The following LAMP3 variants were observed in gnomAD, a reference collection of about 807,000 sequenced individuals.
LAMP3 encodes lysosome-associated membrane glycoprotein 3.
A neutral mutation model predicts 34.8 loss-of-function variants in LAMP3; 26 were observed. The ratio of observed to expected loss-of-function variants is 0.75; its 90% CI spans 0.55 to 1.04. The LOEUF (loss-of-function observed/expected upper bound fraction) is 1.04. Among genes scored for constraint, LAMP3 ranks in the 50% least tolerant of loss-of-function variants. The probability of loss-of-function intolerance (pLI) is 0.00; values close to 1 mark genes in which losing one functional copy is unlikely to be tolerated. For missense variants in LAMP3, 495 were observed against 524.0 expected (o/e 0.94, Z 0.54); for synonymous variants, 180 against 201.9 (o/e 0.89, Z 0.92).
At chr3:183,138,173 C>G (rs542675088) in intron 4 of LAMP3, among the ~76,000 whole-genome samples, 6 of 152,226 alleles carry the variant, frequency 3.9e-5, no homozygotes, top group Admixed American at 3.9e-4. Context: ...AAATCTGGTC[C>G]ATATCTAGTG....
chr3:183,137,990 T>G (rs537905111), intron 4 of LAMP3, among the ~76,000 whole-genome samples: 19 of 152,142 alleles, frequency 1.2e-4, no homozygotes, highest in African/African-American at 3.9e-4. Flanking sequence ...GGGCTACTTT[T>G]TTTTATATTT....
chr3:183,152,597 T>A, intron 2 of LAMP3, 94 bp from the exon 3 acceptor site: 1 of 1,183,204 alleles, frequency 8.5e-7, no homozygotes, highest in Non-Finnish European at 1.2e-6. Context: ...GCCTGAAACT[T>A]AAGGCTGAGG....
intron 5 of LAMP3, among the ~76,000 whole-genome samples, chr3:183,135,459 G>C (rs957035318): frequency 3.3e-5 from 5 of 152,212 alleles, no homozygotes; most frequent in African/African-American, 1.2e-4. Context: ...GATTGAGCGC[G>C]TGAGTGTTTA....
chr3:183,146,379 T>G (rs1292154401), intron 3 of LAMP3, among the ~76,000 whole-genome samples: 4 of 152,176 alleles, frequency 2.6e-5, no homozygotes, highest in African/African-American at 7.2e-5. Context: ...TTGAGTCCAT[T>G]TCTCTTTTGG....
At position 183,156,445 on chromosome 3, in the gene LAMP3, A is replaced by G. The variant is rs566548486; in HGVS notation, c.50-2054T>C. On this transcript the variant is annotated intron_variant, in intron 1 of 5. Transcript: ENST00000265598. ...ACTGAGAGATGCCTGCGTCCCTTCA[A>G]TTTTGTGGTTTCTCAGTGTTTACCC... Among the ~76,000 whole-genome samples, 9 of 152,212 alleles carry G rather than the reference A, an allele frequency of 5.9e-5. No homozygotes were observed. The South Asian group carries it at 1.9e-3, about 32-fold the overall frequency.
At chr3:183,159,907 C>T (rs1431642323) in intron 1 of LAMP3, among the ~76,000 whole-genome samples, 1 of 152,152 alleles carries the variant, frequency 6.6e-6, no homozygotes, top group Non-Finnish European at 1.5e-5. Context: ...TTCTGTTTTT[C>T]CTCCTTTGAC....
At chr3:183,143,879 C>T (rs904417143) in intron 3 of LAMP3, among the ~76,000 whole-genome samples, 4 of 152,118 alleles carry the variant, frequency 2.6e-5, no homozygotes, top group Admixed American at 6.6e-5. Context: ...TTTGTTAATC[C>T]GTCAAGGAAC....
At chr3:183,158,420 G>T (rs1720881422) in intron 1 of LAMP3, among the ~76,000 whole-genome samples, 1 of 151,980 alleles carries the variant, frequency 6.6e-6, no homozygotes, top group Admixed American at 6.6e-5. Flanking sequence ...ACTTTGTCTG[G>T]ACCCTCCCTC....
At chr3:183,126,033 A>G (rs1469344478) in intron 5 of LAMP3, among the ~76,000 whole-genome samples, 1 of 152,198 alleles carries the variant, frequency 6.6e-6, no homozygotes, top group Non-Finnish European at 1.5e-5. Flanking sequence ...GAAAAAATAC[A>G]AAAAGTTAAA....
At chr3:183,151,424 CTTTT>C (rs1303908629) in intron 3 of LAMP3, among the ~76,000 whole-genome samples, 1 of 130,032 alleles carries the variant, frequency 7.7e-6, no homozygotes, top group Non-Finnish European at 1.6e-5. Flanking sequence ...GGGGCATGCT[CTTTT>C]TTTTTTTTTT....
intron 1 of LAMP3, among the ~76,000 whole-genome samples, chr3:183,156,979 AC>A (rs1262482399): frequency 6.6e-6 from 1 of 152,044 alleles, no homozygotes; most frequent in Non-Finnish European, 1.5e-5. Flanking sequence ...CCCTCCAGTG[AC>A]CCCAATTCAT....
intron 5 of LAMP3, among the ~76,000 whole-genome samples, chr3:183,129,260 A>G (rs1719853431): frequency 1.3e-5 from 2 of 152,218 alleles, no homozygotes; most frequent in African/African-American, 4.8e-5. Context: ...CTTGTTTCCA[A>G]TATGTCCCAG....
intron 3 of LAMP3, among the ~76,000 whole-genome samples, chr3:183,151,496 C>T (rs544050965): frequency 3.4e-5 from 5 of 147,124 alleles, no homozygotes; most frequent in African/African-American, 7.6e-5. Context: ...GGCGCAATCT[C>T]GGCTCACTGC....
chr3:183,146,124 T>C (rs1418594967), intron 3 of LAMP3, among the ~76,000 whole-genome samples: 1 of 152,236 alleles, frequency 6.6e-6, no homozygotes, highest in East Asian at 1.9e-4. Context: ...GGTTTTCAAC[T>C]GCACATGATT....
chr3:183,160,100 G>C (rs530958284), intron 1 of LAMP3, among the ~76,000 whole-genome samples: 4 of 152,296 alleles, frequency 2.6e-5, no homozygotes, highest in African/African-American at 9.6e-5. Flanking sequence ...AGAGTAACAA[G>C]CAACTATCTT....
chr3:183,149,270 G>A (rs963968487), intron 3 of LAMP3, among the ~76,000 whole-genome samples: 1 of 151,936 alleles, frequency 6.6e-6, no homozygotes, highest in Non-Finnish European at 1.5e-5. Flanking sequence ...GGCTGGGCAC[G>A]GTGGCTCACG....
At chr3:183,150,743 G>T (rs143169135) in intron 3 of LAMP3, among the ~76,000 whole-genome samples, 1 of 151,964 alleles carries the variant, frequency 6.6e-6, no homozygotes, top group Non-Finnish European at 1.5e-5. Context: ...GTTTTCTTTG[G>T]TAAAGACAGG....
chr3:183,136,028 T>A (rs1576873248), intron 4 of LAMP3, 141 bp from the exon 5 acceptor site: 6 of 694,022 alleles, frequency 8.6e-6, no homozygotes, highest in Non-Finnish European at 1.5e-5. Context: ...CTTCTCCCCA[T>A]GAAAAAACAC....
At chr3:183,158,843 C>T (rs1720894987) in intron 1 of LAMP3, among the ~76,000 whole-genome samples, 2 of 151,776 alleles carry the variant, frequency 1.3e-5, no homozygotes, top group African/African-American at 4.8e-5. Flanking sequence ...GTGAGGCAGA[C>T]ACATGAGTAA....
Sources: allele counts gnomAD v4.1 joint callset (sites outside exome capture counted in the v4.1 genomes callset), GRCh38; gene constraint gnomAD v4.1.1; transcripts MANE v1.5; gene names NCBI Gene and HGNC (gene_info 2026-07-23, HGNC 2026-07-21).